RAB40C: variants seen among roughly 807,000 people sequenced by gnomAD.
The protein encoded by RAB40C is RAB40C, member RAS oncogene family, also known as ras-related protein Rab-40C.
A neutral mutation model predicts 28.1 loss-of-function variants in RAB40C; 8 were observed. That is an observed-to-expected ratio of 0.28 (90% CI 0.17 to 0.51). The LOEUF is 0.51. Ranked by LOEUF, RAB40C falls within the 20% of genes least tolerant of loss-of-function variation. RAB40C has a pLI of 0.97. For missense variants in RAB40C, 288 were observed against 405.9 expected, an observed-to-expected ratio of 0.71 and a Z score of 2.50; for synonymous variants, 201 against 171.7, an observed-to-expected ratio of 1.17 and a Z score of -1.34.
chr16:627,320 T>C (rs1421294798), intron 5 of RAB40C, 22 bp from the exon 6 acceptor site: 2 of 1,604,208 alleles, frequency 1.2e-6, no homozygotes, highest in South Asian at 1.1e-5. Context: ...CCCCATGGTC[T>C]GACACCCCCT....
chr16:590,492 A>T (rs1308014880), intron 1 of RAB40C, 59 bp downstream of exon 1: 2 of 1,453,960 alleles, frequency 1.4e-6, no homozygotes, highest in Admixed American at 5.7e-5. Context: ...CGAGCTGGGC[A>T]CGGAGCTCGC....
chr16:615,736 C>T (rs570108884), intron 1 of RAB40C, among the ~76,000 whole-genome samples: 22 of 152,062 alleles, frequency 1.4e-4, no homozygotes, highest in Non-Finnish European at 2.1e-4. Context: ...CCAAGGCGGG[C>T]GAATCACCTG....
rs2151071158 is a variant in RAB40C at position 610,811 on chromosome 16, C to A, written c.143-6397C>A. Among the ~76,000 whole-genome samples the A allele has an allele frequency of 6.6e-6, 1 of 152,124 alleles. No individual in the cohort carries two copies. Among genetic ancestry groups the A allele is most frequent in the Non-Finnish European group, 1.5e-5 (1 of 67,984 alleles). On this transcript the variant is annotated intron_variant, in intron 1 of 5. Coordinates refer to ENST00000248139, the MANE Select transcript of RAB40C (RefSeq NM_021168.5). This position sits in a 1 kb window ranked among gnomAD's most constrained non-coding sequence, Gnocchi z 4.6. ...ATTGAGACCTTCCAGGCCAAGGGCC[C>A]CCTCCCCAGGATCCTGACACCTGTC...
At chr16:599,230 A>G (rs1476416511) in intron 1 of RAB40C, among the ~76,000 whole-genome samples, 1 of 152,238 alleles carries the variant, frequency 6.6e-6, no homozygotes, top group Non-Finnish European at 1.5e-5. Context: ...CACTGACAGG[A>G]GACCCTTCTC....
rs1198529027 is a variant in RAB40C, at chr16:613,665, CT to C, written c.143-3536del. 3.9e-5 allele frequency among the ~76,000 whole-genome samples: 6 copies of C among 152,164 alleles called. No homozygotes were observed. In the East Asian group the frequency reaches 1.2e-3, roughly 29 times the overall value. On this transcript the variant is annotated intron_variant, in intron 1 of 5. Transcript: ENST00000248139. Reference sequence around the variant, plus strand: ...GAAATGTCTATTCAAGTCCTTTGCCCTTTTTTTAAAGTATAATTTCCGTATT... The same window carrying C: ...GAAATGTCTATTCAAGTCCTTTGCCCTTTTTTAAAGTATAATTTCCGTATT...
intron 5 of RAB40C, among the ~76,000 whole-genome samples, 185 bp from the exon 6 acceptor site, chr16:627,157 G>A (rs2036855984): frequency 6.6e-6 from 1 of 152,186 alleles, no homozygotes; most frequent in African/African-American, 2.4e-5. Context: ...CAGGGGATGG[G>A]GTGCCAGTGG....
At chr16:613,054 G>T (rs9673790) in intron 1 of RAB40C, among the ~76,000 whole-genome samples, 37 of 111,986 alleles carry the variant, frequency 3.3e-4, no homozygotes, top group African/African-American at 1.4e-3. Flanking sequence ...CAGCCGCCCT[G>T]GCCTGTAGCA....
intron 1 of RAB40C, 42 bp from the exon 2 acceptor site, chr16:617,166 C>T (rs764545001): frequency 3.7e-6 from 6 of 1,608,926 alleles, no homozygotes; most frequent in Non-Finnish European, 5.1e-6. Context: ...GCGCTCGCTC[C>T]AGGAGTGGCG....
intron 1 of RAB40C, among the ~76,000 whole-genome samples, chr16:604,926 G>A (rs762575664): frequency 6.6e-6 from 1 of 152,088 alleles, no homozygotes; most frequent in Admixed American, 6.6e-5. Context: ...TGGTGTGGTG[G>A]TGGTGCTTGT....
intron 3 of RAB40C, chr16:625,192 G>A: frequency 7.1e-7 from 1 of 1,412,944 alleles, no homozygotes; most frequent in Non-Finnish European, 9.4e-7. Flanking sequence ...AGGGGAAGCG[G>A]CATTTCTGAC....
intron 1 of RAB40C, among the ~76,000 whole-genome samples, chr16:607,472 C>T (rs1486930543): frequency 2.3e-4 from 34 of 147,060 alleles, no homozygotes; most frequent in Admixed American, 1.7e-3. Context: ...CACCACACTC[C>T]GGCCTGGACA....
In RAB40C at chr16:598,049, A is replaced by T. The variant is rs541142526; in HGVS notation, c.142+7616A>T. 5.5e-4 allele frequency among the ~76,000 whole-genome samples: 84 copies of T among 151,636 alleles called. 1 individual carries two copies. Among genetic ancestry groups the T allele is most frequent in the Middle Eastern group, 3.4e-3 (1 of 294 alleles). On this transcript the variant is annotated intron_variant, in intron 1 of 5. Transcript: ENST00000248139. The stretch of plus-strand genomic sequence containing the variant: ...ATCACGAGGTCAAGAGATTGAGACC[A>T]TCCTGGCCAACATGATGAAACCCCG...
chr16:591,207 G>A (rs2035988936), intron 1 of RAB40C, among the ~76,000 whole-genome samples: 1 of 146,618 alleles, frequency 6.8e-6, no homozygotes, highest in South Asian at 2.2e-4. Context: ...AGGTGTCATG[G>A]TCTGGGATCT....
At chr16:616,960 A>G (rs777586712) in intron 1 of RAB40C, 36 of 519,912 alleles carry the variant, frequency 6.9e-5, no homozygotes, top group Non-Finnish European at 1.1e-4. Context: ...ATGGCCTGAC[A>G]CTGTATGGAC....
chr16:598,566 A>G (rs1337050568), intron 1 of RAB40C, among the ~76,000 whole-genome samples: 2 of 149,072 alleles, frequency 1.3e-5, no homozygotes, highest in African/African-American at 4.9e-5. Flanking sequence ...TCTCACAAAA[A>G]AAAAAAAAAA....
At chr16:601,025 G>C (rs538670677) in intron 1 of RAB40C, among the ~76,000 whole-genome samples, 27 of 152,280 alleles carry the variant, frequency 1.8e-4, no homozygotes, top group African/African-American at 6.3e-4. Flanking sequence ...TCTGCATTTA[G>C]ACCCTTAGCC....
intron 1 of RAB40C, among the ~76,000 whole-genome samples, chr16:613,498 C>T (rs879806542): frequency 8.5e-5 from 13 of 152,242 alleles, no homozygotes; most frequent in Non-Finnish European, 1.8e-4. Context: ...GGCTTCTGCA[C>T]GCCGGCTGGC....
chr16:593,632 C>T (rs2036048663), intron 1 of RAB40C, among the ~76,000 whole-genome samples: 1 of 152,358 alleles, frequency 6.6e-6, no homozygotes, highest in Admixed American at 6.5e-5. Flanking sequence ...CCCTCTCCAG[C>T]TTCACAAACA....
At chr16:596,635 C>T (rs1042532136) in intron 1 of RAB40C, among the ~76,000 whole-genome samples, 2 of 152,164 alleles carry the variant, frequency 1.3e-5, no homozygotes. Flanking sequence ...ACTTCCTGGG[C>T]GGTCGGGAGA....
Sources: allele counts gnomAD v4.1 joint callset (sites outside exome capture counted in the v4.1 genomes callset), GRCh38; gene constraint gnomAD v4.1.1; non-coding constraint Gnocchi (gnomAD v3.1); transcripts MANE v1.5; gene names NCBI Gene and HGNC (gene_info 2026-07-23, HGNC 2026-07-21).